The following CACNA1E variants were observed in gnomAD, a reference collection of about 807,000 sequenced individuals.
CACNA1E encodes the protein calcium voltage-gated channel subunit alpha1 E.
CACNA1E carries 40 observed loss-of-function variants against 259.2 expected under a neutral mutation model. That is an observed-to-expected ratio of 0.15 (90% CI 0.12 to 0.20). The LOEUF (loss-of-function observed/expected upper bound fraction) is 0.20, where lower values mean the gene tolerates loss of function less well. Among genes scored for constraint, CACNA1E ranks in the 10% least tolerant of loss-of-function variants. CACNA1E has a pLI of 1.00. For missense variants in CACNA1E, 1,874 were observed against 3,040.1 expected (o/e 0.62, Z 9.02); for synonymous variants, 1,104 against 1,138.5 (o/e 0.97, Z 0.61).
rs370531753 is a variant in CACNA1E at position 181,739,276 on chromosome 1, G to T, written c.3719+23G>T. ...GGCGTAAGTGACTCTTTTCATATTT[G>T]ATTCCCTTCCTTCCCCTCTTCCTGG... On this transcript the variant is annotated intron_variant, in intron 25 of 47. Transcript: ENST00000367573. 4.8e-6 allele frequency: 7 copies of T among 1,452,036 alleles called. No homozygotes were observed. The African/African-American group carries it at 9.8e-5, about 20-fold the overall frequency. The allele number at this position is 1,452,036 out of a possible 1,614,324, so 89.9% of individuals were successfully genotyped here. A position where few individuals can be genotyped will look rare whatever the true frequency, so the allele number is the denominator to read the frequency against.
intron 1 of CACNA1E, among the ~76,000 whole-genome samples, chr1:181,509,507 G>A (rs1433866552): frequency 6.6e-6 from 1 of 152,182 alleles, no homozygotes; most frequent in African/African-American, 2.4e-5. Context: ...AGCAAGACCA[G>A]CTGCAGTAGC....
intron 39 of CACNA1E, among the ~76,000 whole-genome samples, chr1:181,783,262 A>C (rs1660577103): frequency 6.6e-6 from 1 of 152,198 alleles, no homozygotes; most frequent in Admixed American, 6.5e-5. Flanking sequence ...GGGGGTATTC[A>C]TGGGACAAGT....
At chr1:181,612,093 C>G (rs1654800276) in intron 6 of CACNA1E, among the ~76,000 whole-genome samples, 1 of 152,182 alleles carries the variant, frequency 6.6e-6, no homozygotes, top group African/African-American at 2.4e-5. Context: ...GATTACCATA[C>G]CCAAAAAAGG....
At chr1:181,469,247 C>A (rs1456955436) in intron 2 of CACNA1E, among the ~76,000 whole-genome samples, 2 of 151,902 alleles carry the variant, frequency 1.3e-5, no homozygotes, top group Non-Finnish European at 2.9e-5. Context: ...AATACTGACT[C>A]GAGGGGTGGT....
intron 1 of CACNA1E, among the ~76,000 whole-genome samples, chr1:181,398,759 C>T (rs1391321562): frequency 2.6e-5 from 4 of 152,224 alleles, no homozygotes; most frequent in Non-Finnish European, 5.9e-5. Context: ...CTTTCAGAAA[C>T]GAGGTCTGAG....
intron 45 of CACNA1E, among the ~76,000 whole-genome samples, chr1:181,794,253 T>C (rs1019686558): frequency 2.0e-5 from 3 of 152,232 alleles, no homozygotes; most frequent in Non-Finnish European, 4.4e-5. Context: ...ACATCAGGTT[T>C]TGACAGAGAC....
chr1:181,770,791 C>G (rs1005852060), intron 35 of CACNA1E, among the ~76,000 whole-genome samples: 3 of 152,174 alleles, frequency 2.0e-5, no homozygotes, highest in Admixed American at 2.0e-4. Context: ...AGAGATGCCA[C>G]TCTCTAACCT....
intron 3 of CACNA1E, among the ~76,000 whole-genome samples, chr1:181,528,169 A>C (rs978999690): frequency 1.5e-4 from 22 of 151,426 alleles, no homozygotes; most frequent in African/African-American, 5.1e-4. Flanking sequence ...TAATTGAATC[A>C]TGGGGGCTGG....
chr1:181,572,090 C>A (rs1246749818), intron 3 of CACNA1E, among the ~76,000 whole-genome samples: 6 of 152,046 alleles, frequency 3.9e-5, no homozygotes, highest in Non-Finnish European at 8.8e-5. Context: ...GGCTGGCAAC[C>A]CTGAACCTAT....
rs779738809 is a variant in CACNA1E at position 181,807,507 on chromosome 1, G to T, written c.*8673G>T. ...CCACAGGGAAAGCAGCAAGCCCCAGGCCCAGGCCTCCATTTGATTTGCCAC... is the reference window on the plus strand; with the variant it reads ...CCACAGGGAAAGCAGCAAGCCCCAGTCCCAGGCCTCCATTTGATTTGCCAC... On this transcript the variant is annotated 3_prime_UTR_variant, in exon 48 of 48. Transcript: ENST00000367573. The T allele has an allele frequency of 6.6e-6, 1 of 151,862 alleles. No homozygotes were observed. Among genetic ancestry groups the T allele is most frequent in the Non-Finnish European group, 1.5e-5 (1 of 68,060 alleles). The allele number at this position is 151,862 out of a possible 1,614,324, so 9.4% of individuals were successfully genotyped here. A position where few individuals can be genotyped will look rare whatever the true frequency, so the allele number is the denominator to read the frequency against.
At position 181,807,853 on chromosome 1, in the gene CACNA1E, A is replaced by G. The variant is rs1662735342; in HGVS notation, c.*9019A>G. 6.6e-6 allele frequency: 1 copy of G among 152,056 alleles called. No homozygotes were observed. The highest frequency in any genetic ancestry group is 1.5e-5 in the Non-Finnish European group (1 of 68,016). 9.4% of individuals were successfully genotyped at this position (152,056 alleles called of 1,614,324 possible). On this transcript the variant is annotated 3_prime_UTR_variant, in exon 48 of 48. Transcript: ENST00000367573. ...CTTTTAAATTTTATGTTATTTTTCA[A>G]TCATAATTTCTTTCCTGTGGCTTCT...
At chr1:181,383,808 G>C (rs1246592216) in intron 1 of CACNA1E, among the ~76,000 whole-genome samples, 1 of 152,218 alleles carries the variant, frequency 6.6e-6, no homozygotes, top group Non-Finnish European at 1.5e-5. Context: ...TGGCTGTGGA[G>C]CGTAGGCAAA....
intron 6 of CACNA1E, among the ~76,000 whole-genome samples, chr1:181,621,970 C>A (rs61815698): frequency 0.06 from 9,095 of 152,216 alleles, 346 homozygotes; most frequent in South Asian, 0.15. Flanking sequence ...GCATACAAGA[C>A]CCTGCCGAGC....
intron 6 of CACNA1E, among the ~76,000 whole-genome samples, chr1:181,609,216 A>G (rs1046022941): frequency 2.7e-5 from 4 of 150,708 alleles, no homozygotes; most frequent in Non-Finnish European, 6.0e-5. Flanking sequence ...AAAGAAAGTG[A>G]AATGCTGGCG....
chr1:181,717,233 G>T lies in CACNA1E; in HGVS notation c.1456G>T (p.Val486Leu). The T allele has an allele frequency of 6.2e-7, 1 of 1,613,972 alleles. No homozygotes were observed. ...GTTTTACTGGATTGTGCTGAGCCTT[G>T]TGGCACTCAACACTGCCTGTGTGGC... is the stretch of plus-strand genomic sequence containing the variant. The part of the protein sequence containing the change: ...QVFYWIVLSL[V>L]ALNTACVAIV... The change falls in exon 11 of 48, where the codon GTG becomes TTG. Residue 486 changes from valine to leucine, a missense_variant. Val to Leu is a conservative substitution (Grantham distance 32). Transcript: ENST00000367573.
intron 43 of CACNA1E, among the ~76,000 whole-genome samples, chr1:181,787,923 G>A (rs947313364): frequency 9.9e-5 from 15 of 152,176 alleles, no homozygotes; most frequent in African/African-American, 3.4e-4. Context: ...TACTTTGGGG[G>A]CATTATAAGC....
chr1:181,363,432 C>A (rs1654036484), intron 1 of CACNA1E, among the ~76,000 whole-genome samples: 1 of 152,030 alleles, frequency 6.6e-6, no homozygotes, highest in Non-Finnish European at 1.5e-5. Flanking sequence ...AGGTCATATC[C>A]CTAAATGCAG....
intron 7 of CACNA1E, among the ~76,000 whole-genome samples, chr1:181,687,009 G>A (rs1650647569): frequency 6.6e-6 from 1 of 152,078 alleles, no homozygotes; most frequent in Admixed American, 6.5e-5. Context: ...TTATGTCCTT[G>A]GCAAGAGAAA....
At chr1:181,680,278 G>A (rs2102258229) in intron 7 of CACNA1E, among the ~76,000 whole-genome samples, 1 of 152,280 alleles carries the variant, frequency 6.6e-6, no homozygotes, top group South Asian at 2.1e-4. Flanking sequence ...CAGAGAATGG[G>A]CTGTTAGTGT....
Sources: gnomAD v4.1 joint callset for allele counts (sites outside exome capture counted in the v4.1 genomes callset) on GRCh38, gnomAD v4.1.1 for gene constraint, MANE v1.5 for transcripts, NCBI Gene and HGNC (gene_info 2026-07-23, HGNC 2026-07-21) for gene names.